Variants in SRGAP2 observed in about 807,000 individuals in gnomAD.
The protein encoded by SRGAP2 is SLIT-ROBO Rho GTPase activating protein 2, also known as SLIT-ROBO Rho GTPase-activating protein 2.
Under a neutral mutation model 57.2 loss-of-function variants are expected in SRGAP2, and 15 were observed. The ratio of observed to expected loss-of-function variants is 0.26; its 90% confidence interval spans 0.18 to 0.40. The LOEUF is 0.40. SRGAP2 is among the 10% of genes least tolerant of loss of function. The pLI, the probability that SRGAP2 is intolerant of heterozygous loss-of-function variation, is 1.00. For synonymous variants in SRGAP2, 249 were observed against 248.0 expected (o/e 1.00, Z -0.04); for missense variants, 520 against 669.6 (o/e 0.78, Z 2.47).
At chr1:206,389,226 G>A (rs1296324614) in intron 5 of SRGAP2, among the ~76,000 whole-genome samples, 1 of 133,134 alleles carries the variant, frequency 7.5e-6, no homozygotes, top group East Asian at 2.3e-4. Context: ...CCAGGCTGGA[G>A]TGCAGTGGCG....
chr1:206,261,195 G>GTA (rs1669527679), intron 2 of SRGAP2, among the ~76,000 whole-genome samples: 1 of 145,180 alleles, frequency 6.9e-6, no homozygotes, highest in South Asian at 2.3e-4. Context: ...ATGTGCAGAA[G>GTA]TATGCAAGGG....
rs551342010 is a variant in SRGAP2 at position 206,452,865 on chromosome 1, G to T, written c.2180-335G>T. ...CGAGCCACTGCACTCCAGCCTGAGC[G>T]ACAGAGTAAGACTCCATCCCAAAAA... On this transcript the variant is annotated intron_variant, in intron 19 of 22. Transcript: ENST00000573034. Among the ~76,000 whole-genome samples the T allele has an allele frequency of 2.6e-5, 3 of 117,338 alleles. No homozygotes were observed. In the East Asian group the frequency reaches 8.9e-4, roughly 35 times the overall value. The allele number at this position is 117,338 out of a possible 152,430, so 77.0% of individuals were successfully genotyped here.
chr1:206,445,356 A>C lies in SRGAP2; in HGVS notation c.1875-719A>C, dbSNP rs189593770. Among the ~76,000 whole-genome samples, 254 of 152,330 alleles carry C rather than the reference A, an allele frequency of 1.7e-3. 2 individuals are homozygous for C. Among genetic ancestry groups the C allele is most frequent in the African/African-American group, 5.6e-3 (233 of 41,570 alleles). On this transcript the variant is annotated intron_variant, in intron 17 of 22. Transcript: ENST00000573034. ...AGGGGAGAGTTCCCAGAATAAATAAATACCCGAGAATGAAGTCAGCCTGCA... is the reference window on the plus strand; with the variant it reads ...AGGGGAGAGTTCCCAGAATAAATAACTACCCGAGAATGAAGTCAGCCTGCA...
At chr1:206,420,045 G>C (rs553428170) in intron 12 of SRGAP2, among the ~76,000 whole-genome samples, 2 of 152,008 alleles carry the variant, frequency 1.3e-5, no homozygotes, top group Non-Finnish European at 2.9e-5. Flanking sequence ...GTGAGCTGTC[G>C]GAGAGCAAGG....
chr1:206,303,618 T>G (rs1671998926), intron 3 of SRGAP2, 145 bp downstream of exon 3: 1 of 642,612 alleles, frequency 1.6e-6, no homozygotes, highest in Admixed American at 3.3e-5. Context: ...CTTCTCGTTT[T>G]CCAGATCAGT....
At chr1:206,253,294 ACAGGATT>A (rs1213107159) in intron 2 of SRGAP2, among the ~76,000 whole-genome samples, 2 of 150,784 alleles carry the variant, frequency 1.3e-5, no homozygotes, top group Non-Finnish European at 3.0e-5. Context: ...AGTCTGTACT[ACAGGATT>A]CATTGTGACT....
chr1:206,436,768 G>A (rs10494876), intron 14 of SRGAP2, among the ~76,000 whole-genome samples, 197 bp from the exon 15 acceptor site: 14,042 of 152,232 alleles, frequency 0.092, 1,377 homozygotes, highest in African/African-American at 0.25. Context: ...GTGCTTTCTA[G>A]TGAAAATGAA....
At chr1:206,216,421 C>T (rs1451136230) in intron 2 of SRGAP2, among the ~76,000 whole-genome samples, 1 of 151,692 alleles carries the variant, frequency 6.6e-6, no homozygotes, top group African/African-American at 2.4e-5. Context: ...TAATCAGGCA[C>T]TAAAAGTCTA....
At chr1:206,451,115 T>TA (rs67862340) in intron 19 of SRGAP2, among the ~76,000 whole-genome samples, 20,086 of 68,880 alleles carry the variant, frequency 0.29, 3,223 homozygotes, top group East Asian at 0.68. Context: ...AGACCCTGTC[T>TA]AAAAAAAAAA....
At chr1:206,227,090 A>G (rs1416584673) in intron 2 of SRGAP2, among the ~76,000 whole-genome samples, 1 of 151,952 alleles carries the variant, frequency 6.6e-6, no homozygotes, top group East Asian at 1.9e-4. Context: ...TCATGCTTGA[A>G]GTATGACTGT....
intron 2 of SRGAP2, among the ~76,000 whole-genome samples, chr1:206,236,409 A>G (rs1413237823): frequency 1.3e-5 from 2 of 152,214 alleles, no homozygotes; most frequent in Admixed American, 6.5e-5. Flanking sequence ...AACACCTGCG[A>G]CATTTTCTTT....
chr1:206,255,343 C>G (rs1471149125), intron 2 of SRGAP2, among the ~76,000 whole-genome samples: 3 of 147,236 alleles, frequency 2.0e-5, no homozygotes, highest in Non-Finnish European at 4.5e-5. Context: ...GACTACTTCT[C>G]TGTCTTTTTT....
intron 2 of SRGAP2, chr1:206,214,736 G>C (rs1296582553): frequency 4.0e-5 from 6 of 149,014 alleles, no homozygotes; most frequent in Non-Finnish European, 6.0e-5. Flanking sequence ...AGGTTGCTGT[G>C]AGCCGAGATC....
chr1:206,413,242 T>C (rs1659374459), intron 10 of SRGAP2, among the ~76,000 whole-genome samples: 1 of 152,190 alleles, frequency 6.6e-6, no homozygotes, highest in East Asian at 1.9e-4. Flanking sequence ...AGGAAACCTT[T>C]AGAGTCTCCT....
At chr1:206,414,029 C>CTTTTTTTTTT (rs201058533) in intron 10 of SRGAP2, among the ~76,000 whole-genome samples, 3 of 145,152 alleles carry the variant, frequency 2.1e-5, no homozygotes, top group African/African-American at 8.0e-5. Context: ...TTTTCTTTTT[C>CTTTTTTTTTT]TTTCTTTTTT....
intron 4 of SRGAP2, among the ~76,000 whole-genome samples, chr1:206,346,590 GAT>G (rs1264751993): frequency 1.4e-4 from 21 of 152,052 alleles, no homozygotes; most frequent in African/African-American, 5.1e-4. Flanking sequence ...ACATAAAATA[GAT>G]ATGTTTTACC....
chr1:206,243,633 GGT>G (rs1401233556), intron 2 of SRGAP2, among the ~76,000 whole-genome samples: 3 of 152,152 alleles, frequency 2.0e-5, no homozygotes, highest in Admixed American at 6.5e-5. Flanking sequence ...ATGGAGGAGG[GGT>G]GACTCTCTTT....
intron 2 of SRGAP2, among the ~76,000 whole-genome samples, chr1:206,272,175 C>T: frequency 1.2e-5 from 1 of 85,416 alleles, no homozygotes; most frequent in Admixed American, 1.0e-4. Context: ...TGACCAGCAG[C>T]TGCTTCTGGC....
At chr1:206,267,159 G>A (rs1486987084) in intron 2 of SRGAP2, among the ~76,000 whole-genome samples, 1 of 151,854 alleles carries the variant, frequency 6.6e-6, no homozygotes, top group Non-Finnish European at 1.5e-5. Flanking sequence ...TAGTAGAGAC[G>A]GGGTTTCACT....
Sources: gnomAD v4.1 joint callset for allele counts (sites outside exome capture counted in the v4.1 genomes callset) on GRCh38, gnomAD v4.1.1 for gene constraint, MANE v1.5 for transcripts, NCBI Gene and HGNC (gene_info 2026-07-23, HGNC 2026-07-21) for gene names.